Variants in CALN1 observed in about 807,000 individuals in gnomAD.
The protein encoded by CALN1 is calcium-binding protein 8.
A neutral mutation model predicts 30.6 loss-of-function variants in CALN1; 17 were observed. The observed-to-expected ratio is 0.56, with a 90% CI of 0.38 to 0.83. The LOEUF (loss-of-function observed/expected upper bound fraction) is 0.83, where lower values mean the gene tolerates loss of function less well. Ranked by LOEUF, CALN1 falls within the 40% of genes least tolerant of loss-of-function variation. The pLI is 0.00. For missense variants in CALN1, 291 were observed against 354.9 expected (o/e 0.82, Z 1.45); for synonymous variants, 156 against 131.4 (o/e 1.19, Z -1.28).
chr7:71,820,664 C>G (rs11495967), intron 5 of CALN1, among the ~76,000 whole-genome samples: 409 of 152,260 alleles, frequency 2.7e-3, no homozygotes, highest in Non-Finnish European at 5.0e-3. Flanking sequence ...CTGAATCATA[C>G]GGTAATTCTA....
intron 2 of CALN1, among the ~76,000 whole-genome samples, chr7:72,397,747 CA>C (rs1806070482): frequency 1.3e-5 from 2 of 149,518 alleles, no homozygotes; most frequent in Non-Finnish European, 3.0e-5. Flanking sequence ...CACACACACA[CA>C]CACCTTGCTC....
intron 1 of CALN1, among the ~76,000 whole-genome samples, chr7:72,441,422 AC>A (rs1808339691): frequency 6.6e-6 from 1 of 151,906 alleles, no homozygotes; most frequent in South Asian, 2.1e-4. Flanking sequence ...ACAGGATGAA[AC>A]CCCGTCTCTA....
At chr7:71,849,955 G>A (rs1353101104) in intron 5 of CALN1, among the ~76,000 whole-genome samples, 2 of 152,134 alleles carry the variant, frequency 1.3e-5, no homozygotes, top group African/African-American at 2.4e-5. Flanking sequence ...TTTTAAAGGT[G>A]ATATGACAAT....
chr7:72,074,402 T>G (rs1804597501), intron 4 of CALN1, among the ~76,000 whole-genome samples: 1 of 152,106 alleles, frequency 6.6e-6, no homozygotes, highest in Non-Finnish European at 1.5e-5. Context: ...CATTAACAGA[T>G]GAGCAAATAT....
At chr7:71,837,156 C>A (rs886145531) in intron 5 of CALN1, among the ~76,000 whole-genome samples, 1 of 142,816 alleles carries the variant, frequency 7.0e-6, no homozygotes, top group Admixed American at 7.7e-5. Flanking sequence ...CACTTGAATC[C>A]AGAAGGCAGA....
chr7:72,340,815 G>A (rs1359655674), intron 2 of CALN1, among the ~76,000 whole-genome samples: 1 of 152,136 alleles, frequency 6.6e-6, no homozygotes, highest in Non-Finnish European at 1.5e-5. Flanking sequence ...CCATTTTCAT[G>A]GTAGTGAGTA....
chr7:72,246,411 GTGATGTCCCT>G (rs1415728613), intron 3 of CALN1, among the ~76,000 whole-genome samples: 2 of 152,160 alleles, frequency 1.3e-5, no homozygotes, highest in Non-Finnish European at 2.9e-5. Flanking sequence ...CGGTGGCTTG[GTGATGTCCCT>G]TGGAGAGTGG....
intron 2 of CALN1, among the ~76,000 whole-genome samples, chr7:72,390,486 C>T (rs1182239171): frequency 1.3e-5 from 2 of 152,056 alleles, no homozygotes; most frequent in African/African-American, 4.8e-5. Flanking sequence ...GACAGTGAAA[C>T]GTGGCTGAGA....
intron 1 of CALN1, among the ~76,000 whole-genome samples, chr7:72,441,510 A>C (rs375966533): frequency 1.2e-3 from 182 of 151,236 alleles, no homozygotes; most frequent in African/African-American, 4.1e-3. Flanking sequence ...AGGCAGGAGA[A>C]TCTCTTGAAC....
chr7:72,494,195 A>C, the CALN1 span, among the ~76,000 whole-genome samples: 1 of 152,036 alleles, frequency 6.6e-6, no homozygotes, highest in East Asian at 1.9e-4. Flanking sequence ...GTCTCTAAAA[A>C]TCTGAGCCCC....
chr7:71,960,134 A>AAAATAAAT (rs71092940), intron 5 of CALN1, among the ~76,000 whole-genome samples: 2 of 135,882 alleles, frequency 1.5e-5, no homozygotes, highest in Non-Finnish European at 1.5e-5. Context: ...CTCCATCTCA[A>AAAATAAAT]AAATAAATAA....
At chr7:71,988,970 G>C (rs1318937533) in intron 5 of CALN1, among the ~76,000 whole-genome samples, 1 of 152,140 alleles carries the variant, frequency 6.6e-6, no homozygotes, top group Non-Finnish European at 1.5e-5. Flanking sequence ...GGCACAGCTG[G>C]GAGTAAGTTT....
At chr7:72,435,375 T>C (rs561185530) in intron 1 of CALN1, among the ~76,000 whole-genome samples, 1 of 152,296 alleles carries the variant, frequency 6.6e-6, no homozygotes, top group East Asian at 1.9e-4. Context: ...CTACAATAGC[T>C]TTCCTGGGCT....
intron 5 of CALN1, among the ~76,000 whole-genome samples, chr7:72,008,111 C>G (rs534619638): frequency 6.6e-6 from 1 of 152,230 alleles, no homozygotes; most frequent in East Asian, 1.9e-4. Flanking sequence ...ATAAATTGTG[C>G]AAGCAATCTA....
chr7:71,948,289 C>T (rs997765859), intron 5 of CALN1, among the ~76,000 whole-genome samples: 1 of 152,066 alleles, frequency 6.6e-6, no homozygotes, highest in Non-Finnish European at 1.5e-5. Context: ...GCAAAGGTCC[C>T]TTTTTGATCA....
intron 5 of CALN1, among the ~76,000 whole-genome samples, chr7:72,019,048 A>C (rs1584756889): frequency 6.8e-6 from 1 of 147,146 alleles, no homozygotes; most frequent in African/African-American, 2.5e-5. Context: ...ATGAGGTTTC[A>C]CCATGTTGGC....
intron 3 of CALN1, among the ~76,000 whole-genome samples, chr7:72,139,420 C>A (rs567538373): frequency 2.6e-5 from 4 of 151,308 alleles, no homozygotes; most frequent in East Asian, 3.9e-4. Flanking sequence ...CTCAGCCACG[C>A]CCACCCTCTT....
intron 3 of CALN1, among the ~76,000 whole-genome samples, chr7:72,192,336 G>C (rs568546236): frequency 6.6e-6 from 1 of 152,150 alleles, no homozygotes; most frequent in South Asian, 2.1e-4. Flanking sequence ...CTCCTGCCTC[G>C]GTCTTAGAAG....
chr7:72,075,557 A>T (rs1804672974), intron 4 of CALN1, among the ~76,000 whole-genome samples: 1 of 152,202 alleles, frequency 6.6e-6, no homozygotes, highest in African/African-American at 2.4e-5. Context: ...ACGGCCACAG[A>T]GAAAGTGCTC....
Sources: gnomAD v4.1 joint callset for allele counts (sites outside exome capture counted in the v4.1 genomes callset) on GRCh38, gnomAD v4.1.1 for gene constraint, MANE v1.5 for transcripts, NCBI Gene and HGNC (gene_info 2026-07-23, HGNC 2026-07-21) for gene names.